The following KIT variants were observed in gnomAD, a reference collection of about 807,000 sequenced individuals.
KIT encodes mast/stem cell growth factor receptor Kit.
In KIT, 16 loss-of-function variants were observed where a neutral mutation model predicts 105.7. The ratio of observed to expected loss-of-function variants is 0.15; its 90% CI spans 0.10 to 0.23. The LOEUF is 0.23. KIT is among the 10% of genes least tolerant of loss of function. KIT has a pLI of 1.00. For missense variants in KIT, 858 were observed against 1,213.8 expected (o/e 0.71, Z 4.36); for synonymous variants, 438 against 441.1 (o/e 0.99, Z 0.09).
At chr4:54,697,580 A>G (rs974071540) in intron 2 of KIT, among the ~76,000 whole-genome samples, 1 of 152,144 alleles carries the variant, frequency 6.6e-6, no homozygotes, top group African/African-American at 2.4e-5. Context: ...CTGGTGGGCT[A>G]TGGTATTTGC....
intron 14 of KIT, among the ~76,000 whole-genome samples, chr4:54,731,049 C>T: frequency 6.6e-6 from 1 of 152,116 alleles, no homozygotes; most frequent in South Asian, 2.1e-4. Context: ...CCATTAAATT[C>T]ATTGTGTCAA....
At chr4:54,738,129 C>T (rs146002932) in intron 20 of KIT, among the ~76,000 whole-genome samples, 1 of 152,220 alleles carries the variant, frequency 6.6e-6, no homozygotes, top group African/African-American at 2.4e-5. Flanking sequence ...GATTTACAAG[C>T]CTTTTAAATA....
At chr4:54,726,781 GTT>G (rs60561404) in intron 9 of KIT, among the ~76,000 whole-genome samples, 17 of 137,524 alleles carry the variant, frequency 1.2e-4, no homozygotes, top group African/African-American at 2.1e-4. Flanking sequence ...CCTTAAAAAT[GTT>G]TTTTTTTTTT....
intron 1 of KIT, among the ~76,000 whole-genome samples, chr4:54,675,714 A>C (rs1259912995): frequency 6.6e-6 from 1 of 152,188 alleles, no homozygotes; most frequent in Non-Finnish European, 1.5e-5. Context: ...CTGGTATTTT[A>C]CAGGGCTGTG....
rs34247930 is a variant in KIT, at chr4:54,715,368, TAAAAA to T, written c.1231+5843_1231+5847del. Among the ~76,000 whole-genome samples the T allele has an allele frequency of 3.2e-3, 461 of 142,818 alleles. 3 individuals carry two copies. Among genetic ancestry groups the T allele is most frequent in the African/African-American group, 0.011 (437 of 38,780 alleles). 93.7% of individuals were successfully genotyped at this position (142,818 alleles called of 152,430 possible). On this transcript the variant is annotated intron_variant, in intron 7 of 20. Transcript: ENST00000288135. ...ACTATCAGTGCATTTGTGTTGCTGTTAAAAAAAAAAAAAAAAAATGCCCGGGGCTG... is the reference window on the plus strand; with the variant it reads ...ACTATCAGTGCATTTGTGTTGCTGTTAAAAAAAAAAAAATGCCCGGGGCTG...
Position 54,729,382 on chromosome 4 carries a change from A to C in KIT, c.2038A>C (p.Asn680His). Residue 680 changes from asparagine (N) to histidine (H), a missense_variant, in exon 14 of 21, where the codon AAT becomes CAT. Physicochemically the swap from Asn to His is moderately conservative, Grantham distance 68 (BLOSUM62 1). Around this residue, in one of 7 missense-constraint regions of KIT, gnomAD observed 158 missense variants for 218.7 expected, o/e 0.72. Coordinates refer to ENST00000288135, the MANE Select transcript of KIT (RefSeq NM_000222.3). Reference sequence around the variant, plus strand: ...ATATTGTTGCTATGGTGATCTTTTGAATTTTTTGAGAAGAAAACGTGATTC... The same window carrying C: ...ATATTGTTGCTATGGTGATCTTTTGCATTTTTTGAGAAGAAAACGTGATTC... ...TEYCCYGDLL[N>H]FLRRKRDSFI... 1 of 1,613,730 alleles carries C rather than the reference A, an allele frequency of 6.2e-7. No individual in the cohort carries two copies. Among genetic ancestry groups the C allele is most frequent in the Non-Finnish European group, 8.5e-7 (1 of 1,179,768 alleles).
At chr4:54,705,072 G>C (rs924271497) in intron 5 of KIT, among the ~76,000 whole-genome samples, 6 of 152,114 alleles carry the variant, frequency 3.9e-5, no homozygotes, top group Non-Finnish European at 5.9e-5. Context: ...TGAATAGAAG[G>C]CTATGCTTTT....
chr4:54,678,639 A>G (rs1718689378), intron 1 of KIT, among the ~76,000 whole-genome samples: 2 of 151,982 alleles, frequency 1.3e-5, no homozygotes, highest in Non-Finnish European at 2.9e-5. Flanking sequence ...CAAAACCCAC[A>G]CCTGTTTTCA....
intron 1 of KIT, among the ~76,000 whole-genome samples, chr4:54,694,242 TCTC>T (rs1187368765): frequency 1.3e-5 from 2 of 151,816 alleles, no homozygotes; most frequent in South Asian, 4.2e-4. Context: ...GCTGTCATCT[TCTC>T]CTCCTCCTCC....
At chr4:54,687,883 C>A (rs1399741008) in intron 1 of KIT, among the ~76,000 whole-genome samples, 5 of 152,156 alleles carry the variant, frequency 3.3e-5, no homozygotes, top group African/African-American at 1.2e-4. Context: ...TGTTTTATTT[C>A]ATTAGCATTA....
At chr4:54,716,272 G>A (rs1388433250) in intron 7 of KIT, among the ~76,000 whole-genome samples, 1 of 152,134 alleles carries the variant, frequency 6.6e-6, no homozygotes, top group African/African-American at 2.4e-5. Context: ...GCTTTTGAGA[G>A]TTTGCTCTAA....
intron 1 of KIT, among the ~76,000 whole-genome samples, chr4:54,678,342 T>G (rs371631958): frequency 3.2e-5 from 3 of 93,694 alleles, no homozygotes; most frequent in South Asian, 3.6e-4. Flanking sequence ...CCTTCCTTCC[T>G]TCCTTCCTTC....
chr4:54,681,174 G>A (rs1042319558), intron 1 of KIT, among the ~76,000 whole-genome samples: 3 of 151,922 alleles, frequency 2.0e-5, no homozygotes, highest in Non-Finnish European at 4.4e-5. Context: ...CCTTGTTCTG[G>A]TGTTTATTGG....
Position 54,733,248 on chromosome 4 carries a change from C to T in KIT, c.2484+56C>T, listed in dbSNP as rs1722718125. 18 of 1,579,974 alleles carry T rather than the reference C, an allele frequency of 1.1e-5. 1 individual carries two copies. Among genetic ancestry groups the T allele is most frequent in the African/African-American group, 1.3e-5 (1 of 74,144 alleles). On this transcript the variant is annotated intron_variant, in intron 17 of 20. Transcript: ENST00000288135. The stretch of plus-strand genomic sequence containing the variant: ...GCAAAGGATTTTTAGTTTCAACTTT[C>T]GATAAAAATTGTTTCCTGTGATTTT...
intron 17 of KIT, among the ~76,000 whole-genome samples, chr4:54,734,108 T>A (rs1722774591): frequency 2.6e-5 from 4 of 152,168 alleles, no homozygotes; most frequent in Admixed American, 2.6e-4. Flanking sequence ...AAGGCTGCCC[T>A]GAAGCTAGAT....
Position 54,667,169 on chromosome 4 carries a change from TAC to T in KIT, c.67+9089_67+9090del, listed in dbSNP as rs1457475637. Among the ~76,000 whole-genome samples, 49 of 152,180 alleles carry T rather than the reference TAC, an allele frequency of 3.2e-4. 1 individual carries two copies. The highest frequency in any genetic ancestry group is 3.2e-3 in the Admixed American group (49 of 15,282). On this transcript the variant is annotated intron_variant, in intron 1 of 20. Transcript: ENST00000288135. Reference sequence around the variant, plus strand: ...CTTGATTACTCAGGGGTGGATTGGTTACCCACCACTCTGACTACCCTTTCCAT... The same window carrying T: ...CTTGATTACTCAGGGGTGGATTGGTTCCACCACTCTGACTACCCTTTCCAT...
chr4:54,738,291 G>T, intron 20 of KIT, 138 bp from the exon 21 acceptor site: 3 of 1,022,556 alleles, frequency 2.9e-6, no homozygotes, highest in Non-Finnish European at 4.6e-6. Flanking sequence ...CTTGGGTTTT[G>T]GCCACAAAGT....
At chr4:54,676,860 TGCCAGGG>T (rs1304034690) in intron 1 of KIT, among the ~76,000 whole-genome samples, 1 of 152,180 alleles carries the variant, frequency 6.6e-6, no homozygotes, top group Non-Finnish European at 1.5e-5. Context: ...TTCTGTCCAC[TGCCAGGG>T]GCCTCATGCT....
At chr4:54,672,722 G>A (rs1051037861) in intron 1 of KIT, among the ~76,000 whole-genome samples, 2 of 152,120 alleles carry the variant, frequency 1.3e-5, no homozygotes, top group African/African-American at 2.4e-5. Flanking sequence ...TGTCTCCCTT[G>A]TTACCATCAT....
Sources: gnomAD v4.1 joint callset for allele counts (sites outside exome capture counted in the v4.1 genomes callset) on GRCh38, gnomAD v4.1.1 for gene constraint, gnomAD v4.1.1 regional missense constraint, MANE v1.5 for transcripts, NCBI Gene and HGNC (gene_info 2026-07-23, HGNC 2026-07-21) for gene names.